Variants in AP3B1 observed in about 807,000 individuals in gnomAD.
AP3B1 encodes AP-3 complex subunit beta-1.
In AP3B1, 61 loss-of-function variants were observed where a neutral mutation model predicts 132.5. The ratio of observed to expected loss-of-function variants is 0.46; its 90% CI spans 0.37 to 0.57. The LOEUF is 0.57. Ranked by LOEUF, AP3B1 falls within the 20% of genes least tolerant of loss-of-function variation. The probability of loss-of-function intolerance (pLI) is 0.00; values close to 1 mark genes in which losing one functional copy is unlikely to be tolerated. For missense variants in AP3B1, 1,120 were observed against 1,289.4 expected, an observed-to-expected ratio of 0.87 and a Z score of 2.01; for synonymous variants, 388 against 438.3, an observed-to-expected ratio of 0.89 and a Z score of 1.43.
chr5:78,198,037 A>C (rs1228668039), intron 7 of AP3B1, among the ~76,000 whole-genome samples: 1 of 152,228 alleles, frequency 6.6e-6, no homozygotes, highest in African/African-American at 2.4e-5. Context: ...AGAGATTAAA[A>C]ATGGTAGAGC....
intron 7 of AP3B1, among the ~76,000 whole-genome samples, chr5:78,184,501 A>T (rs1744514192): frequency 6.6e-6 from 1 of 151,834 alleles, no homozygotes; most frequent in Non-Finnish European, 1.5e-5. Flanking sequence ...CCTGGCTAAC[A>T]CGGTGAAACC....
chr5:78,293,246 G>C (rs1749611553), intron 1 of AP3B1, among the ~76,000 whole-genome samples: 1 of 152,134 alleles, frequency 6.6e-6, no homozygotes, highest in African/African-American at 2.4e-5. Context: ...AAATTAATTT[G>C]CGAAACAGAT....
intron 23 of AP3B1, 48 bp downstream of exon 23, chr5:78,038,995 T>A (rs1747931184): frequency 9.6e-6 from 11 of 1,144,464 alleles, no homozygotes; most frequent in Non-Finnish European, 1.4e-5. Context: ...AATGAACATA[T>A]TTAGTGATCA....
Position 78,167,628 on chromosome 5 carries a change from T to TAC in AP3B1, c.1168-1957_1168-1956insGT, listed in dbSNP as rs200429467. On this transcript the variant is annotated intron_variant, in intron 11 of 26. Coordinates refer to ENST00000255194, the MANE Select transcript of AP3B1 (RefSeq NM_003664.5). The stretch of plus-strand genomic sequence containing the variant: ...ACATGTGGATAAAGAACATGTTATA[T>TAC]ATATACACACACACACACACACACA... Among the ~76,000 whole-genome samples, 1,370 of 145,446 alleles carry TAC rather than the reference T, an allele frequency of 9.4e-3. 12 individuals carry two copies. Among genetic ancestry groups the TAC allele is most frequent in the African/African-American group, 0.027 (942 of 35,432 alleles).
chr5:78,278,619 AAAAAAAGGGG>A lies in AP3B1; in HGVS notation c.129-11034_129-11025del, dbSNP rs1561217234. On this transcript the variant is annotated intron_variant, in intron 1 of 26. Coordinates refer to ENST00000255194, the MANE Select transcript of AP3B1 (RefSeq NM_003664.5). Reference sequence around the variant, plus strand: ...GTCTCAAAAAAAAAAAAAAAAAAAAAAAAAAAGGGGGGGGGGGACTAATTAATTATGAGGA... The same window carrying A: ...GTCTCAAAAAAAAAAAAAAAAAAAAAGGGGGGGACTAATTAATTATGAGGA... 1.5e-4 allele frequency among the ~76,000 whole-genome samples: 20 copies of A among 133,592 alleles called. 1 individual carries two copies. Among genetic ancestry groups the A allele is most frequent in the African/African-American group, 5.8e-4 (20 of 34,442 alleles). The allele number at this position is 133,592 out of a possible 152,430, so 87.6% of individuals were successfully genotyped here.
At chr5:78,081,188 G>C (rs1298674034) in intron 22 of AP3B1, among the ~76,000 whole-genome samples, 1 of 151,680 alleles carries the variant, frequency 6.6e-6, no homozygotes, top group African/African-American at 2.4e-5. Context: ...TTTGGCTTCA[G>C]TTCATGGCAT....
At chr5:78,206,943 G>A (rs977245109) in intron 7 of AP3B1, among the ~76,000 whole-genome samples, 1 of 152,016 alleles carries the variant, frequency 6.6e-6, no homozygotes, top group Non-Finnish European at 1.5e-5. Context: ...CCAACATGGC[G>A]AAATCCTGTG....
At chr5:78,105,267 G>A (rs955149532) in intron 20 of AP3B1, among the ~76,000 whole-genome samples, 1 of 105,348 alleles carries the variant, frequency 9.5e-6, no homozygotes, top group African/African-American at 2.7e-5. Flanking sequence ...GCGAATAGTG[G>A]ACTAACAACG....
At chr5:78,073,851 A>C (rs1749652748) in intron 22 of AP3B1, among the ~76,000 whole-genome samples, 1 of 152,208 alleles carries the variant, frequency 6.6e-6, no homozygotes. Flanking sequence ...ACAAAGGAGG[A>C]GGAAGGGAAG....
chr5:78,003,237 T>C (rs1026293928), intron 26 of AP3B1, among the ~76,000 whole-genome samples, 182 bp from the exon 27 acceptor site: 2 of 152,192 alleles, frequency 1.3e-5, no homozygotes, highest in African/African-American at 4.8e-5. Flanking sequence ...GTCCAGCCCA[T>C]GCTAACCACA....
intron 22 of AP3B1, among the ~76,000 whole-genome samples, chr5:78,073,783 G>A (rs527799276): frequency 6.6e-6 from 1 of 152,246 alleles, no homozygotes; most frequent in Non-Finnish European, 1.5e-5. Flanking sequence ...GTGGATAGAT[G>A]TTCAGTGAAC....
chr5:78,157,699 C>T (rs1285687630), intron 13 of AP3B1, among the ~76,000 whole-genome samples: 1 of 152,132 alleles, frequency 6.6e-6, no homozygotes, highest in African/African-American at 2.4e-5. Context: ...CCCTGGCATA[C>T]ACTACAAAGG....
At chr5:78,035,239 T>A (rs1747757729) in intron 23 of AP3B1, among the ~76,000 whole-genome samples, 1 of 151,992 alleles carries the variant, frequency 6.6e-6, no homozygotes, top group African/African-American at 2.4e-5. Context: ...TAGCTATATC[T>A]TAGAATAATT....
intron 22 of AP3B1, among the ~76,000 whole-genome samples, chr5:78,075,577 C>A (rs1389777408): frequency 1.3e-5 from 2 of 152,188 alleles, no homozygotes; most frequent in African/African-American, 2.4e-5. Flanking sequence ...TACTTGCTAG[C>A]CAATTTCCCA....
chr5:78,115,792 A>C (rs1175567758), intron 18 of AP3B1, among the ~76,000 whole-genome samples: 2 of 152,196 alleles, frequency 1.3e-5, no homozygotes, highest in Non-Finnish European at 2.9e-5. Flanking sequence ...GTTACTTTTA[A>C]AGACCCCACT....
intron 21 of AP3B1, among the ~76,000 whole-genome samples, chr5:78,096,839 G>C (rs1475482198): frequency 6.7e-6 from 1 of 150,248 alleles, no homozygotes; most frequent in Non-Finnish European, 1.5e-5. Context: ...GGGAGGGAGG[G>C]GGGGCTCAGC....
intron 2 of AP3B1, among the ~76,000 whole-genome samples, chr5:78,255,874 T>C (rs116101464): frequency 0.022 from 3,306 of 152,158 alleles, 127 homozygotes; most frequent in African/African-American, 0.073. Context: ...GTTCAAAAAA[T>C]TGAAATAATT....
chr5:78,136,590 C>G (rs1029165588), intron 15 of AP3B1, among the ~76,000 whole-genome samples: 6 of 152,140 alleles, frequency 3.9e-5, no homozygotes, highest in African/African-American at 1.4e-4. Flanking sequence ...CAGATTAACC[C>G]TCTTTCTACC....
At chr5:78,029,795 C>T (rs969803804) in intron 24 of AP3B1, among the ~76,000 whole-genome samples, 2 of 152,152 alleles carry the variant, frequency 1.3e-5, no homozygotes, top group Admixed American at 6.5e-5. Flanking sequence ...AGCCACCACA[C>T]GCAGCTCTGA....
Sources: gnomAD v4.1 joint callset for allele counts (sites outside exome capture counted in the v4.1 genomes callset) on GRCh38, gnomAD v4.1.1 for gene constraint, MANE v1.5 for transcripts, NCBI Gene and HGNC (gene_info 2026-07-23, HGNC 2026-07-21) for gene names.